The following GPR39 variants were observed in gnomAD, a reference collection of about 807,000 sequenced individuals.
GPR39 encodes zinc sensing receptor.
A neutral mutation model predicts 18.4 loss-of-function variants in GPR39; 23 were observed. The observed-to-expected ratio is 1.25, with a 90% confidence interval of 0.90 to 1.77. The LOEUF is 1.77. Among genes scored for constraint, GPR39 ranks in the 40% most tolerant of loss-of-function variants. The probability of loss-of-function intolerance (pLI) is 0.00; values close to 1 mark genes in which losing one functional copy is unlikely to be tolerated. For synonymous variants in GPR39, 280 were observed against 257.9 expected (o/e 1.09, Z -0.82); for missense variants, 647 against 602.4 (o/e 1.07, Z -0.78).
At chr2:132,595,556 G>A (rs17324208) in intron 1 of GPR39, among the ~76,000 whole-genome samples, 27,738 of 151,942 alleles carry the variant, frequency 0.18, 2,744 homozygotes, top group Middle Eastern at 0.22. Flanking sequence ...CACTGGAGAC[G>A]ACTCAGAGTT....
At chr2:132,567,441 A>T (rs4954343) in intron 1 of GPR39, among the ~76,000 whole-genome samples, 44,766 of 152,050 alleles carry the variant, frequency 0.29, 7,379 homozygotes, top group East Asian at 0.77. Flanking sequence ...TAGTCAGCAC[A>T]AGCAGGGTCT....
chr2:132,447,623 A>G (rs1174153853), intron 1 of GPR39, among the ~76,000 whole-genome samples: 1 of 152,194 alleles, frequency 6.6e-6, no homozygotes, highest in Non-Finnish European at 1.5e-5. Context: ...AGGACAGGAG[A>G]CTTCTTTTGG....
intron 1 of GPR39, among the ~76,000 whole-genome samples, chr2:132,578,509 G>T (rs950194836): frequency 6.6e-6 from 1 of 151,988 alleles, no homozygotes; most frequent in African/African-American, 2.4e-5. Flanking sequence ...GGATTTTGGT[G>T]GGGGGAGATT....
At chr2:132,503,933 G>A (rs900975903) in intron 1 of GPR39, among the ~76,000 whole-genome samples, 1 of 152,198 alleles carries the variant, frequency 6.6e-6, no homozygotes, top group African/African-American at 2.4e-5. Context: ...AGTCCTAATG[G>A]CCTCATTCCC....
chr2:132,462,208 T>C (rs1680844766), intron 1 of GPR39, among the ~76,000 whole-genome samples: 1 of 152,198 alleles, frequency 6.6e-6, no homozygotes, highest in African/African-American at 2.4e-5. Context: ...GGACACCATG[T>C]TGCATGCAGG....
chr2:132,453,494 A>T (rs537416631), intron 1 of GPR39, among the ~76,000 whole-genome samples: 2 of 152,144 alleles, frequency 1.3e-5, no homozygotes, highest in South Asian at 4.1e-4. Flanking sequence ...ATTAGATCCC[A>T]TTTATCTATT....
Position 132,614,177 on chromosome 2 carries a change from C to CT in GPR39, c.857-30914dup, listed in dbSNP as rs113026250. ...TGCAGTGTCTTGAGGAACTTGCTTG[C>CT]TTTTTTTTTTGTTTTTGTTTTGTTT... On this transcript the variant is annotated intron_variant, in intron 1 of 1. Coordinates refer to ENST00000329321, the MANE Select transcript of GPR39 (RefSeq NM_001508.3). Among the ~76,000 whole-genome samples, 938 of 146,932 alleles carry CT rather than the reference C, an allele frequency of 6.4e-3. 14 individuals are homozygous for CT. Among genetic ancestry groups the CT allele is most frequent in the African/African-American group, 0.023 (881 of 38,968 alleles).
At chr2:132,466,857 A>C (rs1179319999) in intron 1 of GPR39, among the ~76,000 whole-genome samples, 1 of 152,168 alleles carries the variant, frequency 6.6e-6, no homozygotes, top group Admixed American at 6.5e-5. Flanking sequence ...GAGCTAGTAC[A>C]TTCTGACTTG....
At chr2:132,487,578 G>T (rs968015033) in intron 1 of GPR39, among the ~76,000 whole-genome samples, 4 of 152,176 alleles carry the variant, frequency 2.6e-5, no homozygotes, top group Non-Finnish European at 4.4e-5. Context: ...TGCTTTAAAT[G>T]ATTAAGCAGA....
chr2:132,615,925 C>T lies in GPR39; in HGVS notation c.857-29176C>T, dbSNP rs1000729570. On this transcript the variant is annotated intron_variant, in intron 1 of 1. Transcript: ENST00000329321. ...CACTGCACACCTGGCTTGTCTCACCCCATTCCAGCTCTTTTTTTTTTTTTT... is the reference window on the plus strand; with the variant it reads ...CACTGCACACCTGGCTTGTCTCACCTCATTCCAGCTCTTTTTTTTTTTTTT... Among the ~76,000 whole-genome samples the T allele has an allele frequency of 1.4e-4, 20 of 142,800 alleles. No homozygotes were observed. In the South Asian group the frequency reaches 4.5e-3, roughly 32 times the overall value. The allele number at this position is 142,800 out of a possible 152,430, so 93.7% of individuals were successfully genotyped here.
At chr2:132,487,647 T>C (rs1050296167) in intron 1 of GPR39, among the ~76,000 whole-genome samples, 1 of 152,214 alleles carries the variant, frequency 6.6e-6, no homozygotes, top group Admixed American at 6.5e-5. Context: ...CAAAATTTAA[T>C]GATTATATTT....
chr2:132,645,802 A>T lies in GPR39; in HGVS notation c.*196A>T. The T allele has an allele frequency of 1.3e-6, 1 of 763,836 alleles. No homozygotes were observed. The highest frequency in any genetic ancestry group is 1.9e-5 in the South Asian group (1 of 51,572). The allele number at this position is 763,836 out of a possible 1,614,324, so 47.3% of individuals were successfully genotyped here. On this transcript the variant is annotated 3_prime_UTR_variant, in exon 2 of 2. Coordinates refer to ENST00000329321, the MANE Select transcript of GPR39 (RefSeq NM_001508.3). ...TGGCCTTGACTCCGGTTACACAGAC[A>T]TGGGGGTGAACTTTCACTCCACCTC...
intron 1 of GPR39, among the ~76,000 whole-genome samples, chr2:132,583,555 A>G (rs1680667402): frequency 6.6e-6 from 1 of 151,988 alleles, no homozygotes; most frequent in Non-Finnish European, 1.5e-5. Flanking sequence ...AGTCTCAGGG[A>G]CATTTCAGTT....
chr2:132,551,140 A>G (rs1279753992), intron 1 of GPR39, among the ~76,000 whole-genome samples: 1 of 152,228 alleles, frequency 6.6e-6, no homozygotes, highest in African/African-American at 2.4e-5. Context: ...CAGCAGCTCA[A>G]CGATGTTAGA....
intron 1 of GPR39, among the ~76,000 whole-genome samples, chr2:132,531,251 CAAAG>C (rs1289956362): frequency 4.6e-5 from 7 of 152,100 alleles, no homozygotes; most frequent in African/African-American, 7.2e-5. Context: ...TCAAAAGAGA[CAAAG>C]AAGGCCATTA....
chr2:132,513,986 T>C (rs1208612298), intron 1 of GPR39, among the ~76,000 whole-genome samples: 1 of 152,240 alleles, frequency 6.6e-6, no homozygotes, highest in Admixed American at 6.5e-5. Flanking sequence ...TTGAGTAGCT[T>C]CTTTTGGATA....
intron 1 of GPR39, among the ~76,000 whole-genome samples, chr2:132,456,778 C>A (rs1251373518): frequency 6.6e-6 from 1 of 152,152 alleles, no homozygotes; most frequent in African/African-American, 2.4e-5. Flanking sequence ...GTTGAAAATT[C>A]TTTTCTTTAA....
chr2:132,563,404 G>A (rs1680288840), intron 1 of GPR39, among the ~76,000 whole-genome samples: 1 of 152,180 alleles, frequency 6.6e-6, no homozygotes, highest in Admixed American at 6.5e-5. Flanking sequence ...GAAACATAGT[G>A]AGACCTCGTG....
Position 132,445,635 on chromosome 2 carries a change from G to A in GPR39, c.856+27737G>A, listed in dbSNP as rs376225439. On this transcript the variant is annotated intron_variant, in intron 1 of 1. Transcript: ENST00000329321. The stretch of plus-strand genomic sequence containing the variant: ...ATAAGGCTTTAAAAATGTATACAGG[G>A]ATTTATTGTTGTGTCTTCGCTTCTA... 2.8e-4 allele frequency among the ~76,000 whole-genome samples: 42 copies of A among 151,728 alleles called. No individual in the cohort carries two copies. In the East Asian group the frequency reaches 5.8e-3, roughly 21 times the overall value.
Sources: allele counts gnomAD v4.1 joint callset (sites outside exome capture counted in the v4.1 genomes callset), GRCh38; gene constraint gnomAD v4.1.1; transcripts MANE v1.5; gene names NCBI Gene and HGNC (gene_info 2026-07-23, HGNC 2026-07-21).